M1AP: variants seen among roughly 807,000 people sequenced by gnomAD.
The protein encoded by M1AP is meiosis 1 associated protein.
Under a neutral mutation model 51.2 loss-of-function variants are expected in M1AP, and 39 were observed. The observed-to-expected ratio is 0.76, with a 90% CI of 0.59 to 1.00. M1AP has a LOEUF of 1.00. Among genes scored for constraint, M1AP ranks in the 50% least tolerant of loss-of-function variants. The pLI is 0.00. For synonymous variants in M1AP, 251 were observed against 249.2 expected (o/e 1.01, Z -0.07); for missense variants, 545 against 641.2 (o/e 0.85, Z 1.62).
chr2:74,624,106 TATC>T (rs1403824081), intron 2 of M1AP, among the ~76,000 whole-genome samples: 2 of 152,230 alleles, frequency 1.3e-5, no homozygotes, highest in Non-Finnish European at 2.9e-5. Context: ...CTGACACTCA[TATC>T]ATTGTTGGAG....
At chr2:74,599,739 C>G (rs1301577095) in intron 4 of M1AP, among the ~76,000 whole-genome samples, 1 of 151,866 alleles carries the variant, frequency 6.6e-6, no homozygotes, top group East Asian at 1.9e-4. Flanking sequence ...TACATATATT[C>G]TAGAATATAT....
At chr2:74,615,343 A>C (rs1172181423) in intron 2 of M1AP, among the ~76,000 whole-genome samples, 194 bp from the exon 3 acceptor site, 1 of 152,158 alleles carries the variant, frequency 6.6e-6, no homozygotes, top group Non-Finnish European at 1.5e-5. Context: ...CAGAAGGAAA[A>C]TTTGCAGCCA....
At position 74,576,598 on chromosome 2, in the gene M1AP, G is replaced by A. The variant is rs764527856; in HGVS notation, c.790C>T (p.Gln264Ter). Residue 264 changes from glutamine (Q) to a stop codon, truncating the protein, a stop_gained, in exon 6 of 11, where the codon CAA becomes TAA. Transcript: ENST00000421985. LOFTEE classifies it high-confidence loss of function. ...DNPMCLKCDL[Q>*]ERLLCPSLLA... The stretch of plus-strand genomic sequence containing the variant: ...AGGGATGGGCAGAGCAGTCGCTCTT[G>A]GAGATCACATTTCAGACACACTACA... The A allele has an allele frequency of 1.2e-6, 2 of 1,614,012 alleles. No individual in the cohort carries two copies. The highest frequency in any genetic ancestry group is 2.2e-5 in the East Asian group (1 of 44,878).
intron 2 of M1AP, among the ~76,000 whole-genome samples, chr2:74,630,505 C>T (rs140052550): frequency 6.6e-6 from 1 of 152,134 alleles, no homozygotes; most frequent in Non-Finnish European, 1.5e-5. Context: ...TCAACGGGCC[C>T]CAGTGTGTGT....
chr2:74,640,128 A>C lies in M1AP; in HGVS notation c.148T>G (p.Ser50Ala). ...NLCEALQNFFSLACSLMGPSR... is the reference protein window; with the variant it reads ...NLCEALQNFFALACSLMGPSR... ...GGGCCCATCAAGCTGCAGGCTAGAG[A>C]GAAGAAGTTCTGCAGAGCCTCACAG... The change falls in exon 2 of 11, where the codon TCT becomes GCT. Residue 50 changes from serine to alanine, a missense_variant. Coordinates refer to ENST00000421985, the MANE Select transcript of M1AP (RefSeq NM_001321739.2). The C allele has an allele frequency of 6.2e-7, 1 of 1,614,016 alleles. No homozygotes were observed. The highest frequency in any genetic ancestry group is 8.5e-7 in the Non-Finnish European group (1 of 1,179,954).
In M1AP at chr2:74,558,413, A is replaced by T. The variant is rs1295140318; in HGVS notation, c.*303T>A. ...GAGCTACAAGAAGAAATTCTGAGTTATGAATGCTCCTAACAATGGTAGAAG... is the reference window on the plus strand; with the variant it reads ...GAGCTACAAGAAGAAATTCTGAGTTTTGAATGCTCCTAACAATGGTAGAAG... On this transcript the variant is annotated 3_prime_UTR_variant, in exon 11 of 11. Transcript: ENST00000421985. The T allele has an allele frequency of 3.0e-6, 1 of 327,956 alleles. No homozygotes were observed. The highest frequency in any genetic ancestry group is 8.3e-5 in the East Asian group (1 of 12,008). 20.3% of individuals were successfully genotyped at this position (327,956 alleles called of 1,614,324 possible).
chr2:74,563,622 A>C (rs956330983), intron 7 of M1AP, among the ~76,000 whole-genome samples: 13 of 151,600 alleles, frequency 8.6e-5, no homozygotes, highest in Admixed American at 3.9e-4. Flanking sequence ...AAAAAAAAAA[A>C]AAAAACATAA....
intron 7 of M1AP, among the ~76,000 whole-genome samples, chr2:74,571,301 T>G (rs142222449): frequency 6.6e-6 from 1 of 152,264 alleles, no homozygotes; most frequent in East Asian, 1.9e-4. Context: ...TGAAAGTGAC[T>G]GAGGTTTCAA....
Position 74,576,504 on chromosome 2 carries a change from T to C in M1AP, c.884A>G (p.Gln295Arg). Residue 295 changes from glutamine (Q) to arginine (R), a missense_variant, in exon 6 of 11, where the codon CAG becomes CGG. Physicochemically the swap from Gln to Arg is conservative, Grantham distance 43 (BLOSUM62 1). Transcript: ENST00000421985. ...AGAGGCCGATGACTGGGAAGCCATCTGGTAGAGTGTGATGAAGTCTCCTTT... is the reference window on the plus strand; with the variant it reads ...AGAGGCCGATGACTGGGAAGCCATCCGGTAGAGTGTGATGAAGTCTCCTTT... The part of the protein sequence containing the change: ...DPKGDFITLY[Q>R]MASQSSASHY... 1 of 1,614,084 alleles carries C rather than the reference T, an allele frequency of 6.2e-7. No homozygotes were observed. Among genetic ancestry groups the C allele is most frequent in the Non-Finnish European group, 8.5e-7 (1 of 1,179,996 alleles).
intron 4 of M1AP, among the ~76,000 whole-genome samples, chr2:74,583,504 T>A (rs1036002691): frequency 6.6e-6 from 1 of 152,086 alleles, no homozygotes; most frequent in African/African-American, 2.4e-5. Context: ...CAGGTAAAGG[T>A]CATCAGTGAA....
At chr2:74,643,435 T>C (rs908962677) in intron 1 of M1AP, among the ~76,000 whole-genome samples, 2 of 152,140 alleles carry the variant, frequency 1.3e-5, no homozygotes, top group African/African-American at 4.8e-5. Context: ...AAAGTAGTTA[T>C]ATTGTTTAGA....
At chr2:74,580,486 T>C (rs1679332903) in intron 5 of M1AP, among the ~76,000 whole-genome samples, 1 of 152,102 alleles carries the variant, frequency 6.6e-6, no homozygotes, top group South Asian at 2.1e-4. Context: ...GGGCACTAGG[T>C]TGAAATGGGG....
intron 2 of M1AP, among the ~76,000 whole-genome samples, chr2:74,638,198 G>T (rs7592137): frequency 0.18 from 27,688 of 151,934 alleles, 3,836 homozygotes; most frequent in East Asian, 0.81. Flanking sequence ...GGGATTACAG[G>T]CAGCCGCCAT....
At chr2:74,602,129 T>C (rs1446842799) in intron 4 of M1AP, among the ~76,000 whole-genome samples, 2 of 152,210 alleles carry the variant, frequency 1.3e-5, no homozygotes, top group Non-Finnish European at 2.9e-5. Context: ...AGGGAAGTTA[T>C]GGCTGTTTGG....
At chr2:74,608,246 TC>T (rs1239266819) in intron 3 of M1AP, among the ~76,000 whole-genome samples, 1 of 152,220 alleles carries the variant, frequency 6.6e-6, no homozygotes, top group Non-Finnish European at 1.5e-5. Context: ...TATTCATCCC[TC>T]CTTCTCCTCA....
intron 2 of M1AP, among the ~76,000 whole-genome samples, chr2:74,637,800 G>T (rs961964162): frequency 7.2e-5 from 11 of 152,152 alleles, no homozygotes; most frequent in Admixed American, 3.3e-4. Flanking sequence ...CTTCAGGGTG[G>T]CTCCTTCTTT....
At chr2:74,579,422 TGA>T (rs1485253123) in intron 5 of M1AP, among the ~76,000 whole-genome samples, 1 of 152,206 alleles carries the variant, frequency 6.6e-6, no homozygotes, top group Non-Finnish European at 1.5e-5. Context: ...TTGTCTGGGC[TGA>T]GAGTGTCAAG....
At chr2:74,617,188 A>C (rs1261995612) in intron 2 of M1AP, among the ~76,000 whole-genome samples, 2 of 152,228 alleles carry the variant, frequency 1.3e-5, no homozygotes, top group African/African-American at 4.8e-5. Flanking sequence ...CCATTGTTCT[A>C]ATTATGTGTC....
At chr2:74,646,786 G>C (rs1683641382) in intron 1 of M1AP, among the ~76,000 whole-genome samples, 1 of 152,074 alleles carries the variant, frequency 6.6e-6, no homozygotes, top group Non-Finnish European at 1.5e-5. Context: ...TTAGTGTTTT[G>C]ACAATTTTTC....
Sources: gnomAD v4.1 joint callset for allele counts (sites outside exome capture counted in the v4.1 genomes callset) on GRCh38, gnomAD v4.1.1 for gene constraint, MANE v1.5 for transcripts, NCBI Gene and HGNC (gene_info 2026-07-23, HGNC 2026-07-21) for gene names.